Variants in ERN1 observed in about 807,000 individuals in gnomAD.
ERN1 encodes endoplasmic reticulum to nucleus signaling 1.
In ERN1, 39 loss-of-function variants were observed where a neutral mutation model predicts 113.1. The ratio of observed to expected loss-of-function variants is 0.34; its 90% confidence interval spans 0.27 to 0.45. The LOEUF (loss-of-function observed/expected upper bound fraction) is 0.45. ERN1 is among the 20% of genes least tolerant of loss of function. ERN1 has a pLI of 1.00. For missense variants in ERN1, 976 were observed against 1,274.8 expected (o/e 0.77, Z 3.57); for synonymous variants, 507 against 515.9 (o/e 0.98, Z 0.23).
intron 1 of ERN1, among the ~76,000 whole-genome samples, chr17:64,120,476 A>C (rs1174256451): frequency 6.6e-6 from 1 of 152,148 alleles, no homozygotes. Flanking sequence ...TCTGACAGAG[A>C]GGGGGGAAAT....
At chr17:64,055,994 G>C in intron 12 of ERN1, 46 bp from the exon 13 acceptor site, 1 of 1,495,502 alleles carries the variant, frequency 6.7e-7, no homozygotes, top group Non-Finnish European at 8.9e-7. Context: ...TGTTCCCACA[G>C]GGAAACAAGC....
At chr17:64,112,657 A>C (rs1289864225) in intron 1 of ERN1, among the ~76,000 whole-genome samples, 2 of 152,256 alleles carry the variant, frequency 1.3e-5, no homozygotes, top group Non-Finnish European at 2.9e-5. Flanking sequence ...AATGCTAATT[A>C]ACTTTAAAAA....
At chr17:64,105,402 T>A (rs999922095) in intron 1 of ERN1, among the ~76,000 whole-genome samples, 39 of 152,106 alleles carry the variant, frequency 2.6e-4, no homozygotes, top group African/African-American at 9.4e-4. Flanking sequence ...AGCTTAAAAA[T>A]AATAATAATA....
At chr17:64,045,146 C>A (rs1436863224) in intron 20 of ERN1, among the ~76,000 whole-genome samples, 1 of 151,986 alleles carries the variant, frequency 6.6e-6, no homozygotes, top group Non-Finnish European at 1.5e-5. Flanking sequence ...CCACCTAGAG[C>A]ACGACACCAT....
At chr17:64,061,673 G>C (rs1368468698) in intron 10 of ERN1, among the ~76,000 whole-genome samples, 2 of 152,172 alleles carry the variant, frequency 1.3e-5, no homozygotes, top group Non-Finnish European at 2.9e-5. Context: ...GCTTTGCTTG[G>C]GAGCAGGATT....
chr17:64,060,394 C>A, intron 11 of ERN1, 75 bp downstream of exon 11: 1 of 912,704 alleles, frequency 1.1e-6, no homozygotes, highest in Non-Finnish European at 1.8e-6. Flanking sequence ...GCTCAGAAGG[C>A]AGAGTCAAAG....
At chr17:64,076,401 G>A (rs770620823) in intron 4 of ERN1, among the ~76,000 whole-genome samples, 1 of 152,166 alleles carries the variant, frequency 6.6e-6, no homozygotes, top group Non-Finnish European at 1.5e-5. Context: ...ATGCTTCAGA[G>A]AGGCTGCAAT....
intron 1 of ERN1, among the ~76,000 whole-genome samples, chr17:64,099,063 G>A (rs1488338768): frequency 6.6e-6 from 1 of 152,148 alleles, no homozygotes; most frequent in East Asian, 1.9e-4. Context: ...TGATACTCAT[G>A]ACGTCCCATT....
intron 5 of ERN1, 45 bp from the exon 6 acceptor site, chr17:64,072,148 AAAGTATCGCTGCC>A: frequency 6.2e-7 from 1 of 1,604,254 alleles, no homozygotes; most frequent in Non-Finnish European, 8.5e-7. Context: ...CATATGGAAA[AAAGTATCGCTGCC>A]AAACTAGCAG....
chr17:64,072,025 T>C lies in ERN1; in HGVS notation c.434A>G (p.Asp145Gly), dbSNP rs760322518. 1 of 1,599,200 alleles carries C rather than the reference T, an allele frequency of 6.3e-7. No homozygotes were observed. ...KQQTLSSAFA[D>G]SLCPSTSLLY... ...AAGAGAGGTTGATGGGCAGAGACTA[T>C]CTGCAAAGGCCGATGACAAAGTCTG... The change falls in exon 6 of 22, where the codon GAT (aspartate) becomes GGT (glycine). Residue 145 changes from aspartate to glycine, a missense_variant. By Grantham distance (94) the Asp-to-Gly change is moderately conservative (BLOSUM62 -1). Transcript: ENST00000433197.
In ERN1 at chr17:64,039,346, C is replaced by T. The variant is rs1056524195; in HGVS notation, c.*4642G>A. ...AAAGCTAAAAAGAGGATTTTGGGTT[C>T]CACAAAGAAGACTGTATCACACAAT... On this transcript the variant is annotated 3_prime_UTR_variant, in exon 22 of 22. Coordinates refer to ENST00000433197, the MANE Select transcript of ERN1 (RefSeq NM_001433.5). The T allele has an allele frequency of 1.3e-5, 2 of 152,118 alleles. No individual in the cohort carries two copies. Among genetic ancestry groups the T allele is most frequent in the East Asian group, 3.8e-4 (2 of 5,200 alleles). The allele number at this position is 152,118 out of a possible 1,614,324, so 9.4% of individuals were successfully genotyped here. A position where few individuals can be genotyped will look rare whatever the true frequency, so the allele number is the denominator to read the frequency against.
intron 2 of ERN1, 98 bp downstream of exon 2, chr17:64,098,023 A>T: frequency 7.1e-7 from 1 of 1,418,036 alleles, no homozygotes; most frequent in Non-Finnish European, 9.7e-7. Context: ...TATTTATTTT[A>T]TTAGATAATG....
intron 1 of ERN1, among the ~76,000 whole-genome samples, chr17:64,107,195 T>C (rs1437299545): frequency 1.3e-5 from 2 of 152,110 alleles, no homozygotes; most frequent in Admixed American, 6.6e-5. Flanking sequence ...CTCTCAATGA[T>C]TAAAGCAAGC....
intron 1 of ERN1, among the ~76,000 whole-genome samples, chr17:64,107,281 T>C (rs1914554480): frequency 6.6e-6 from 1 of 152,188 alleles, no homozygotes; most frequent in South Asian, 2.1e-4. Context: ...TGAAGTTATG[T>C]TAAGTAAAGA....
At chr17:64,071,389 C>G (rs1363745226) in intron 6 of ERN1, among the ~76,000 whole-genome samples, 1 of 152,064 alleles carries the variant, frequency 6.6e-6, no homozygotes, top group Non-Finnish European at 1.5e-5. Context: ...ATTCTGGGAG[C>G]TGCAGGTAGT....
chr17:64,062,301 G>C (rs926566669), intron 10 of ERN1, among the ~76,000 whole-genome samples: 5 of 152,264 alleles, frequency 3.3e-5, no homozygotes, highest in Non-Finnish European at 7.3e-5. Context: ...TTGGATCCTT[G>C]TATTTTCACG....
chr17:64,105,905 A>C (rs1423332796), intron 1 of ERN1, among the ~76,000 whole-genome samples: 2 of 151,858 alleles, frequency 1.3e-5, no homozygotes, highest in Non-Finnish European at 2.9e-5. Flanking sequence ...CAGTGAGCCG[A>C]GATGGTGCCG....
intron 17 of ERN1, among the ~76,000 whole-genome samples, chr17:64,051,626 C>T (rs562620683): frequency 1.6e-4 from 25 of 152,306 alleles, no homozygotes; most frequent in Non-Finnish European, 2.6e-4. Flanking sequence ...ATCCTATAAC[C>T]CACTGCCTGG....
At chr17:64,058,916 T>C (rs7216747) in intron 11 of ERN1, among the ~76,000 whole-genome samples, 21,025 of 152,084 alleles carry the variant, frequency 0.14, 1,931 homozygotes, top group African/African-American at 0.26. Flanking sequence ...CTGCAGAGTA[T>C]ATAGGAAGCA....
Sources: gnomAD v4.1 joint callset for allele counts (sites outside exome capture counted in the v4.1 genomes callset) on GRCh38, gnomAD v4.1.1 for gene constraint, MANE v1.5 for transcripts, NCBI Gene and HGNC (gene_info 2026-07-23, HGNC 2026-07-21) for gene names.